LRP11: variants seen among roughly 807,000 people sequenced by gnomAD.
LRP11 encodes the protein low-density lipoprotein receptor-related protein 11.
In LRP11, 25 loss-of-function variants were observed where a neutral mutation model predicts 43.1. That is an observed-to-expected ratio of 0.58 (90% CI 0.42 to 0.81). LRP11 has a LOEUF of 0.81. Ranked by LOEUF, LRP11 falls within the 30% of genes least tolerant of loss-of-function variation. The pLI is 0.00. For synonymous variants in LRP11, 316 were observed against 299.4 expected (o/e 1.06, Z -0.57); for missense variants, 623 against 665.1 (o/e 0.94, Z 0.70).
At chr6:149,843,274 T>G in intron 2 of LRP11, 150 bp from the exon 3 acceptor site, 1 of 783,128 alleles carries the variant, frequency 1.3e-6, no homozygotes, top group Admixed American at 2.5e-5. Context: ...TCACACACTG[T>G]TGGCAGCTGG....
intron 1 of LRP11, 39 bp downstream of exon 1, chr6:149,863,369 G>A (rs756994423): frequency 7.6e-7 from 1 of 1,311,338 alleles, no homozygotes; most frequent in East Asian, 2.9e-5. Flanking sequence ...CGGGTCTCGA[G>A]CGCTCTGGCC....
Position 149,863,434 on chromosome 6 carries a change from G to A in LRP11, c.587C>T (p.Ala196Val), listed in dbSNP as rs762505450. The A allele has an allele frequency of 4.2e-5, 55 of 1,313,436 alleles. No individual in the cohort carries two copies. The African/African-American group carries it at 7.7e-4, about 18-fold the overall frequency. The allele number at this position is 1,313,436 out of a possible 1,614,324, so 81.4% of individuals were successfully genotyped here. A position where few individuals can be genotyped will look rare whatever the true frequency, so the allele number is the denominator to read the frequency against. Reference sequence around the variant, plus strand: ...CTGCCGGGGCGAGGCGCGCGCGGTGGCCAGGGCGGCGCCGTCCGGCGCGCG... The same window carrying A: ...CTGCCGGGGCGAGGCGCGCGCGGTGACCAGGGCGGCGCCGTCCGGCGCGCG... ...LSRAPDGAAL[A>V]TARASPRQEK... Residue 196 changes from alanine to valine, a missense_variant, in exon 1 of 7, where the codon GCC becomes GTC. Coordinates refer to ENST00000239367, the MANE Select transcript of LRP11 (RefSeq NM_032832.6).
rs1776485055 is a variant in LRP11, at chr6:149,837,265, C to T, written c.1039+73G>A. On this transcript the variant is annotated intron_variant, in intron 4 of 6. Coordinates refer to ENST00000239367, the MANE Select transcript of LRP11 (RefSeq NM_032832.6). ...GGGGAAGGACACTGTGTTTGCATTT[C>T]ATTCTCAGAACACAGACCTCCCAAC... is the stretch of plus-strand genomic sequence containing the variant. 6.0e-6 allele frequency: 9 copies of T among 1,512,340 alleles called. No individual in the cohort carries two copies. The South Asian group carries it at 1.1e-4, about 19-fold the overall frequency. 93.7% of individuals were successfully genotyped at this position (1,512,340 alleles called of 1,614,324 possible).
chr6:149,849,282 CA>C (rs1375493406), intron 2 of LRP11, among the ~76,000 whole-genome samples: 1 of 152,118 alleles, frequency 6.6e-6, no homozygotes, highest in Non-Finnish European at 1.5e-5. Context: ...GTTTAATAAC[CA>C]TGAAAGTCAG....
At chr6:149,841,983 T>C (rs200390624) in intron 3 of LRP11, among the ~76,000 whole-genome samples, 2 of 152,318 alleles carry the variant, frequency 1.3e-5, no homozygotes, top group East Asian at 3.9e-4. Context: ...TTTTACATTG[T>C]TACATTGTAC....
chr6:149,859,093 A>C (rs1310781436), intron 1 of LRP11, among the ~76,000 whole-genome samples: 1 of 151,946 alleles, frequency 6.6e-6, no homozygotes, highest in Non-Finnish European at 1.5e-5. Context: ...AGAAGTATGA[A>C]ATGAATATTT....
At chr6:149,822,882 G>C (rs1451035652) in intron 6 of LRP11, among the ~76,000 whole-genome samples, 2 of 152,166 alleles carry the variant, frequency 1.3e-5, no homozygotes, top group Non-Finnish European at 2.9e-5. Flanking sequence ...ATGCCTATCA[G>C]CGATCAGGTG....
chr6:149,857,133 G>A (rs1383361554), intron 1 of LRP11, among the ~76,000 whole-genome samples: 1 of 152,188 alleles, frequency 6.6e-6, no homozygotes, highest in African/African-American at 2.4e-5. Flanking sequence ...CAGTGAAATA[G>A]ATCTGACCTG....
intron 6 of LRP11, among the ~76,000 whole-genome samples, chr6:149,820,986 A>G (rs1012938563): frequency 2.2e-5 from 3 of 135,302 alleles, no homozygotes; most frequent in Admixed American, 8.1e-5. Flanking sequence ...GCTGGAGTGT[A>G]ATGGCTCAAT....
rs200823832 is a variant in LRP11, at chr6:149,837,395, C to G, written c.982G>C (p.Ala328Pro). 21 of 1,614,074 alleles carry G rather than the reference C, an allele frequency of 1.3e-5. No homozygotes were observed. The highest frequency in any genetic ancestry group is 1.8e-5 in the Non-Finnish European group (21 of 1,180,014). Residue 328 changes from alanine (A) to proline (P), a missense_variant, in exon 4 of 7, where the codon GCC (alanine) becomes CCC (proline). By Grantham distance (27) the Ala-to-Pro change is conservative. Coordinates refer to ENST00000239367, the MANE Select transcript of LRP11 (RefSeq NM_032832.6). ...GGACACTGCTGCACTCCATCGCAGG[C>G]GAGCGTGATGTCAATGCAGCAGCCA... ...DDGCCIDITL[A>P]CDGVQQCPDG...
chr6:149,860,606 C>A (rs978297916), intron 1 of LRP11, among the ~76,000 whole-genome samples: 2 of 152,154 alleles, frequency 1.3e-5, no homozygotes, highest in African/African-American at 4.8e-5. Context: ...GTCCTGGGGG[C>A]ATGAGCAGGG....
chr6:149,862,476 C>T (rs904104373), intron 1 of LRP11, among the ~76,000 whole-genome samples: 2 of 152,112 alleles, frequency 1.3e-5, no homozygotes, highest in Non-Finnish European at 2.9e-5. Flanking sequence ...TGTATGTGTC[C>T]TGATTCTCTC....
chr6:149,826,458 T>C, intron 5 of LRP11, 99 bp from the exon 6 acceptor site: 1 of 781,456 alleles, frequency 1.3e-6, no homozygotes, highest in Non-Finnish European at 2.1e-6. Context: ...AAGATGGACT[T>C]AGAGAAGAAC....
rs989098347 is a variant in LRP11, at chr6:149,863,550, C to A, written c.471G>T (p.Val157=). The A allele has an allele frequency of 3.6e-6, 5 of 1,371,730 alleles. No individual in the cohort carries two copies. Among genetic ancestry groups the A allele is most frequent in the Non-Finnish European group, 2.8e-6 (3 of 1,070,276 alleles). The allele number at this position is 1,371,730 out of a possible 1,614,324, so 85.0% of individuals were successfully genotyped here. Residue 157 remains valine (V), a synonymous_variant, in exon 1 of 7, where the codon GTG becomes GTT. Coordinates refer to ENST00000239367, the MANE Select transcript of LRP11 (RefSeq NM_032832.6). Reference sequence around the variant, plus strand: ...TGCAGTTGAAGAGGTAGCAGCCGAGCACGGCTGCCGGGGGCGCGGGGCGCC... The same window carrying A: ...TGCAGTTGAAGAGGTAGCAGCCGAGAACGGCTGCCGGGGGCGCGGGGCGCC... The part of the protein sequence containing the change: ...LPRRPAPPAA[V]LGCYLFNCTA...
intron 2 of LRP11, 95 bp downstream of exon 2, chr6:149,852,908 C>G: frequency 9.0e-7 from 1 of 1,110,588 alleles, no homozygotes; most frequent in South Asian, 2.0e-5. Flanking sequence ...CTTCTGCTAG[C>G]GTACAGACAT....
intron 5 of LRP11, among the ~76,000 whole-genome samples, chr6:149,826,638 C>T (rs1167994950): frequency 1.3e-5 from 2 of 151,974 alleles, no homozygotes; most frequent in Admixed American, 1.3e-4. Context: ...GAAGGGAGAT[C>T]TCAGGCTAGA....
Position 149,853,054 on chromosome 6 carries a change from G to A in LRP11, c.720C>T (p.Ile240=), listed in dbSNP as rs187562016. The A allele has an allele frequency of 3.8e-5, 61 of 1,612,492 alleles. No homozygotes were observed. Among genetic ancestry groups the A allele is most frequent in the Middle Eastern group, 1.6e-4 (1 of 6,076 alleles). The change falls in exon 2 of 7, where the codon ATC becomes ATT. Residue 240 remains isoleucine, a synonymous_variant. Transcript: ENST00000239367. ...DGRESTDDHA[I]VQYEWALLQG... Reference sequence around the variant, plus strand: ...GCAGCAGTGCCCACTCATACTGGACGATGGCGTGGTCATCTGTGCTCTCGC... The same window carrying A: ...GCAGCAGTGCCCACTCATACTGGACAATGGCGTGGTCATCTGTGCTCTCGC...
At chr6:149,843,395 C>T (rs1776581330) in intron 2 of LRP11, among the ~76,000 whole-genome samples, 1 of 152,192 alleles carries the variant, frequency 6.6e-6, no homozygotes, top group African/African-American at 2.4e-5. Flanking sequence ...TCATCCCCAG[C>T]CTCACGCTCA....
In LRP11 at chr6:149,842,428, A is replaced by G. The variant is rs555581816; in HGVS notation, c.913+555T>C. On this transcript the variant is annotated intron_variant, in intron 3 of 6. Transcript: ENST00000239367. The stretch of plus-strand genomic sequence containing the variant: ...GACAACATTTAAAACCTACTGTTTT[A>G]GCAATTTTGAAACAGACAATACATT... The G allele has an allele frequency of 1.8e-4, 105 of 574,398 alleles. No individual in the cohort carries two copies. In the South Asian group the frequency reaches 2.3e-3, roughly 13 times the overall value. The allele number at this position is 574,398 out of a possible 1,614,324, so 35.6% of individuals were successfully genotyped here. A position where few individuals can be genotyped will look rare whatever the true frequency, so the allele number is the denominator to read the frequency against.
Sources: gnomAD v4.1 joint callset for allele counts (sites outside exome capture counted in the v4.1 genomes callset) on GRCh38, gnomAD v4.1.1 for gene constraint, MANE v1.5 for transcripts, NCBI Gene and HGNC (gene_info 2026-07-23, HGNC 2026-07-21) for gene names.